Variants in CHRM3 observed in about 807,000 individuals in gnomAD.
CHRM3 encodes muscarinic acetylcholine receptor M3.
CHRM3 carries 11 observed loss-of-function variants against 41.8 expected under a neutral mutation model. The ratio of observed to expected loss-of-function variants is 0.26; its 90% CI spans 0.17 to 0.44. The LOEUF (loss-of-function observed/expected upper bound fraction) is 0.44. Ranked by LOEUF, CHRM3 falls within the 20% of genes least tolerant of loss-of-function variation. The pLI is 1.00. For missense variants in CHRM3, 571 were observed against 745.4 expected (o/e 0.77, Z 2.72); for synonymous variants, 297 against 301.4 (o/e 0.99, Z 0.15).
intron 1 of CHRM3, among the ~76,000 whole-genome samples, chr1:239,431,861 C>T (rs1328594005): frequency 2.6e-5 from 4 of 152,084 alleles, no homozygotes; most frequent in Admixed American, 1.3e-4. Flanking sequence ...TACTTCCCCT[C>T]GAGACTCAAG....
At chr1:239,619,854 A>T (rs1036414767) in intron 3 of CHRM3, among the ~76,000 whole-genome samples, 2 of 152,006 alleles carry the variant, frequency 1.3e-5, no homozygotes, top group African/African-American at 2.4e-5. Context: ...GTGGAGGGAG[A>T]GGCTGAGATT....
intron 3 of CHRM3, among the ~76,000 whole-genome samples, chr1:239,614,744 T>A (rs1405972106): frequency 1.3e-5 from 2 of 152,244 alleles, no homozygotes; most frequent in Admixed American, 1.3e-4. Flanking sequence ...ACCTAGCTTT[T>A]ACCTTATCCA....
intron 1 of CHRM3, among the ~76,000 whole-genome samples, chr1:239,415,474 A>T (rs1013263622): frequency 2.0e-5 from 3 of 152,152 alleles, no homozygotes; most frequent in African/African-American, 4.8e-5. Context: ...CTTCTCTGTT[A>T]TATAAGAACT....
chr1:239,859,868 A>G (rs116241358), intron 6 of CHRM3, among the ~76,000 whole-genome samples: 3,484 of 139,008 alleles, frequency 0.025, 69 homozygotes, highest in Non-Finnish European at 0.038. Context: ...TAATCTCAAA[A>G]TAAGTATAGT....
chr1:239,615,723 C>G (rs930535368), intron 3 of CHRM3, among the ~76,000 whole-genome samples: 7 of 151,638 alleles, frequency 4.6e-5, no homozygotes, highest in Non-Finnish European at 8.8e-5. Context: ...CCCAATATCT[C>G]CATTATCATA....
intron 5 of CHRM3, among the ~76,000 whole-genome samples, chr1:239,805,378 T>C (rs1383739025): frequency 6.6e-6 from 1 of 152,196 alleles, no homozygotes; most frequent in Non-Finnish European, 1.5e-5. Context: ...CCATATCCAC[T>C]GAACAGATAA....
intron 3 of CHRM3, among the ~76,000 whole-genome samples, chr1:239,574,025 C>A (rs541894491): frequency 6.6e-6 from 1 of 152,182 alleles, no homozygotes; most frequent in East Asian, 1.9e-4. Context: ...ACAAGGATGA[C>A]CCTGAAATCA....
rs189149751 is a variant in CHRM3 at position 239,419,287 on chromosome 1, T to A, written c.-521+32060T>A. On this transcript the variant is annotated intron_variant, in intron 1 of 6. Coordinates refer to ENST00000676153, the MANE Select transcript of CHRM3 (RefSeq NM_001375978.1). Reference sequence around the variant, plus strand: ...ATTTGACTTGATCTGACTTTAGATGTCCAGCTATCAAGAGGGTTTTTATAA... The same window carrying A: ...ATTTGACTTGATCTGACTTTAGATGACCAGCTATCAAGAGGGTTTTTATAA... Among the ~76,000 whole-genome samples the A allele has an allele frequency of 3.2e-3, 480 of 152,216 alleles. 4 individuals are homozygous for A. The highest frequency in any genetic ancestry group is 0.011 in the African/African-American group (459 of 41,544).
intron 5 of CHRM3, among the ~76,000 whole-genome samples, chr1:239,765,457 A>G (rs917831031): frequency 6.6e-6 from 1 of 152,232 alleles, no homozygotes; most frequent in African/African-American, 2.4e-5. Context: ...GTTTATAGCA[A>G]CAGACAAGAA....
At chr1:239,768,737 C>T (rs1158928390) in intron 5 of CHRM3, among the ~76,000 whole-genome samples, 4 of 151,434 alleles carry the variant, frequency 2.6e-5, no homozygotes, top group African/African-American at 9.7e-5. Flanking sequence ...CTTTGCCTTA[C>T]TTCTCACTAG....
intron 5 of CHRM3, among the ~76,000 whole-genome samples, chr1:239,813,420 C>T (rs536487911): frequency 6.6e-6 from 1 of 152,256 alleles, no homozygotes; most frequent in East Asian, 1.9e-4. Flanking sequence ...CTGGCTAAGT[C>T]CATAAGTCAT....
intron 6 of CHRM3, among the ~76,000 whole-genome samples, chr1:239,829,080 T>C (rs1295805101): frequency 1.3e-5 from 2 of 152,198 alleles, no homozygotes; most frequent in African/African-American, 4.8e-5. Flanking sequence ...GTTGCTGTTA[T>C]TGTTTTGCTT....
At chr1:239,856,623 G>T (rs1394299505) in intron 6 of CHRM3, among the ~76,000 whole-genome samples, 1 of 152,062 alleles carries the variant, frequency 6.6e-6, no homozygotes, top group Non-Finnish European at 1.5e-5. Context: ...TGTGAGAATG[G>T]ACTAATACAG....
At chr1:239,431,157 G>T (rs1662804258) in intron 1 of CHRM3, among the ~76,000 whole-genome samples, 1 of 151,948 alleles carries the variant, frequency 6.6e-6, no homozygotes, top group Non-Finnish European at 1.5e-5. Context: ...ATATTTATAG[G>T]TACCTATTAT....
At chr1:239,746,323 C>T (rs1665349571) in intron 5 of CHRM3, among the ~76,000 whole-genome samples, 1 of 152,180 alleles carries the variant, frequency 6.6e-6, no homozygotes, top group South Asian at 2.1e-4. Flanking sequence ...CAGGCACTTT[C>T]ACATGAGTTT....
At chr1:239,667,817 C>G (rs1431962606) in intron 4 of CHRM3, among the ~76,000 whole-genome samples, 2 of 152,144 alleles carry the variant, frequency 1.3e-5, no homozygotes, top group Admixed American at 1.3e-4. Context: ...AATCACCTTT[C>G]TCTGTCATGT....
intron 4 of CHRM3, among the ~76,000 whole-genome samples, chr1:239,635,542 C>T (rs1670372022): frequency 6.6e-6 from 1 of 152,144 alleles, no homozygotes; most frequent in African/African-American, 2.4e-5. Context: ...CTCTCCTAAC[C>T]GCTCTCTAAA....
At chr1:239,854,571 T>C (rs1211263954) in intron 6 of CHRM3, among the ~76,000 whole-genome samples, 1 of 151,994 alleles carries the variant, frequency 6.6e-6, no homozygotes, top group Non-Finnish European at 1.5e-5. Context: ...AAATAATAAA[T>C]GCTACCCAGA....
intron 3 of CHRM3, among the ~76,000 whole-genome samples, chr1:239,567,484 G>T (rs1661464649): frequency 6.6e-6 from 1 of 152,044 alleles, no homozygotes; most frequent in Non-Finnish European, 1.5e-5. Context: ...CAACAATACG[G>T]TAGATATGCA....
Sources: allele counts gnomAD v4.1 joint callset (sites outside exome capture counted in the v4.1 genomes callset), GRCh38; gene constraint gnomAD v4.1.1; transcripts MANE v1.5; gene names NCBI Gene and HGNC (gene_info 2026-07-23, HGNC 2026-07-21).